The following ABLIM1 variants were observed in gnomAD, a reference collection of about 807,000 sequenced individuals.
The protein encoded by ABLIM1 is actin-binding LIM protein 1.
ABLIM1 carries 40 observed loss-of-function variants against 107.0 expected under a neutral mutation model. That is an observed-to-expected ratio of 0.37 (90% confidence interval 0.29 to 0.49). The LOEUF (loss-of-function observed/expected upper bound fraction) is 0.49. ABLIM1 is among the 20% of genes least tolerant of loss of function. The probability of loss-of-function intolerance (pLI) is 0.97; values close to 1 mark genes in which losing one functional copy is unlikely to be tolerated. For synonymous variants in ABLIM1, 357 were observed against 357.3 expected (o/e 1.00, Z 0.01); for missense variants, 857 against 1,008.5 (o/e 0.85, Z 2.04).
intron 6 of ABLIM1, chr10:114,527,045 T>C (rs528957568): frequency 6.9e-5 from 60 of 873,098 alleles, no homozygotes; most frequent in Non-Finnish European, 8.0e-5. Flanking sequence ...AAAGTACCAT[T>C]TCTTTGCATT....
intron 19 of ABLIM1, among the ~76,000 whole-genome samples, chr10:114,440,468 GAC>G (rs1306024413): frequency 6.6e-6 from 1 of 150,918 alleles, no homozygotes; most frequent in Non-Finnish European, 1.5e-5. Context: ...TTTTTTAAGA[GAC>G]AGTCTTGCTC....
chr10:114,545,468 A>G (rs1181130935), intron 5 of ABLIM1, among the ~76,000 whole-genome samples: 1 of 152,248 alleles, frequency 6.6e-6, no homozygotes, highest in Non-Finnish European at 1.5e-5. Context: ...ACAATAATTA[A>G]TAAACCAGAG....
intron 1 of ABLIM1, among the ~76,000 whole-genome samples, chr10:114,733,527 C>T (rs2082118743): frequency 6.6e-6 from 1 of 152,284 alleles, no homozygotes. Flanking sequence ...GCATGCTGAG[C>T]TAAAGTTATT....
intron 14 of ABLIM1, 129 bp from the exon 15 acceptor site, chr10:114,448,149 A>G: frequency 1.7e-6 from 2 of 1,187,522 alleles, no homozygotes; most frequent in South Asian, 3.0e-5. Flanking sequence ...GTTTATTACC[A>G]TTATCCATGG....
intron 11 of ABLIM1, among the ~76,000 whole-genome samples, chr10:114,467,613 A>G (rs1299874107): frequency 6.6e-6 from 1 of 152,238 alleles, no homozygotes; most frequent in Non-Finnish European, 1.5e-5. Context: ...AAATTATTAG[A>G]ATATAGGTAG....
At chr10:114,738,715 A>G (rs2082230835) in intron 1 of ABLIM1, among the ~76,000 whole-genome samples, 1 of 152,210 alleles carries the variant, frequency 6.6e-6, no homozygotes, top group Non-Finnish European at 1.5e-5. Context: ...AACCGAAACA[A>G]ATAAAATGGC....
chr10:114,689,327 A>T (rs2081018258), upstream of ABLIM1, among the ~76,000 whole-genome samples: 1 of 151,778 alleles, frequency 6.6e-6, no homozygotes, highest in African/African-American at 2.4e-5. Flanking sequence ...AATGAAGATG[A>T]CAGAGTTCAC....
chr10:114,564,157 C>T (rs1175776563), intron 4 of ABLIM1, among the ~76,000 whole-genome samples: 2 of 151,742 alleles, frequency 1.3e-5, no homozygotes, highest in Admixed American at 6.6e-5. Context: ...TGTGGCCAAA[C>T]TCCTCCAGGC....
chr10:114,469,344 G>A (rs185298013), intron 10 of ABLIM1, among the ~76,000 whole-genome samples: 14 of 152,246 alleles, frequency 9.2e-5, no homozygotes, highest in Admixed American at 4.6e-4. Context: ...CATTCACCTC[G>A]CCAATCTCAC....
At chr10:114,708,163 C>T (rs1398016941) in intron 1 of ABLIM1, among the ~76,000 whole-genome samples, 2 of 152,136 alleles carry the variant, frequency 1.3e-5, no homozygotes, top group Admixed American at 6.5e-5. Flanking sequence ...TGATGGCAAG[C>T]GTGAAATGCA....
intron 6 of ABLIM1, among the ~76,000 whole-genome samples, chr10:114,539,407 T>G (rs56001223): frequency 0.22 from 33,800 of 151,880 alleles, 4,354 homozygotes; most frequent in East Asian, 0.34. Flanking sequence ...ACATTAAGAG[T>G]GTGGTGTTCC....
intron 7 of ABLIM1, among the ~76,000 whole-genome samples, chr10:114,490,738 T>C (rs2058796732): frequency 6.6e-6 from 1 of 151,550 alleles, no homozygotes; most frequent in South Asian, 2.1e-4. Context: ...ACTGATCATA[T>C]ATATATATAT....
chr10:114,589,304 T>C (rs1263815457), intron 2 of ABLIM1, among the ~76,000 whole-genome samples: 5 of 149,542 alleles, frequency 3.3e-5, no homozygotes, highest in Non-Finnish European at 7.4e-5. Flanking sequence ...CTGAGGCAGG[T>C]AGATCACCTG....
chr10:114,778,779 C>T, the ABLIM1 span: 1 of 152,210 alleles, frequency 6.6e-6, no homozygotes, highest in Non-Finnish European at 1.5e-5. Context: ...TTCCTTTCTA[C>T]TCTAGCTCCA....
At chr10:114,744,694 G>T (rs1314171334) in intron 1 of ABLIM1, among the ~76,000 whole-genome samples, 1 of 152,038 alleles carries the variant, frequency 6.6e-6, no homozygotes, top group Non-Finnish European at 1.5e-5. Flanking sequence ...ACTTATTCTC[G>T]ATTTCTGTTT....
At chr10:114,447,226 T>G (rs2061148070) in intron 15 of ABLIM1, among the ~76,000 whole-genome samples, 1 of 152,114 alleles carries the variant, frequency 6.6e-6, no homozygotes, top group Admixed American at 6.5e-5. Flanking sequence ...GACACAGACA[T>G]AATTGGAAAG....
At chr10:114,783,792 T>G in the ABLIM1 span, among the ~76,000 whole-genome samples, 1 of 151,806 alleles carries the variant, frequency 6.6e-6, no homozygotes, top group African/African-American at 2.4e-5. Flanking sequence ...GCTAATAATT[T>G]CAAGCTACCA....
chr10:114,700,491 A>AACACACACACACACACAC (rs149691121), intron 1 of ABLIM1, among the ~76,000 whole-genome samples: 12 of 148,552 alleles, frequency 8.1e-5, no homozygotes, highest in African/African-American at 3.0e-4. Context: ...AAACAATTAA[A>AACACACACACACACACAC]ACACACACAC....
chr10:114,686,032 C>A (rs1164417107), upstream of ABLIM1, among the ~76,000 whole-genome samples: 1 of 152,132 alleles, frequency 6.6e-6, no homozygotes, highest in Non-Finnish European at 1.5e-5. Context: ...TAAAAATAAC[C>A]TGCATTGCAT....
Sources: allele counts gnomAD v4.1 joint callset (sites outside exome capture counted in the v4.1 genomes callset), GRCh38; gene constraint gnomAD v4.1.1; transcripts MANE v1.5; gene names NCBI Gene and HGNC (gene_info 2026-07-23, HGNC 2026-07-21).